The following CARD14 variants were observed in gnomAD, a reference collection of about 807,000 sequenced individuals.
CARD14 encodes caspase recruitment domain-containing protein 14.
A neutral mutation model predicts 111.5 loss-of-function variants in CARD14; 107 were observed. The observed-to-expected ratio is 0.96, with a 90% CI of 0.82 to 1.13. The LOEUF is 1.13. Among genes scored for constraint, CARD14 ranks in the 50% most tolerant of loss-of-function variants. The pLI is 0.00. For missense variants in CARD14, 1,322 were observed against 1,362.3 expected (o/e 0.97, Z 0.47); for synonymous variants, 617 against 579.6 (o/e 1.06, Z -0.93).
intron 12 of CARD14, among the ~76,000 whole-genome samples, chr17:80,192,867 C>T (rs2040572820): frequency 6.6e-6 from 1 of 152,236 alleles, no homozygotes; most frequent in Non-Finnish European, 1.5e-5. Context: ...ATTCTCTTGC[C>T]TCAGCCACCC....
At position 80,195,770 on chromosome 17, in the gene CARD14, C is replaced by T; in HGVS notation, c.1594+118C>T. Reference sequence around the variant, plus strand: ...AAGGGCAGATAGAAGCAGAGCTCAACTTCTGCCCTGGGCCTTGACCTTGGC... The same window carrying T: ...AAGGGCAGATAGAAGCAGAGCTCAATTTCTGCCCTGGGCCTTGACCTTGGC... On this transcript the variant is annotated intron_variant, in intron 14 of 23. Transcript: ENST00000648509. This position sits in a 1 kb window ranked among gnomAD's most constrained non-coding sequence, Gnocchi z 4.7. 2.4e-6 allele frequency: 2 copies of T among 846,964 alleles called. No individual in the cohort carries two copies. Among genetic ancestry groups the T allele is most frequent in the Non-Finnish European group, 3.7e-6 (2 of 545,688 alleles). The allele number at this position is 846,964 out of a possible 1,614,324, so 52.5% of individuals were successfully genotyped here.
At chr17:80,190,024 C>A in intron 9 of CARD14, 152 bp downstream of exon 9, 1 of 1,082,396 alleles carries the variant, frequency 9.2e-7, no homozygotes. Context: ...GTCCCTTTGT[C>A]AGCGCCACCC....
chr17:80,177,069 G>A (rs375985200), intron 2 of CARD14, among the ~76,000 whole-genome samples: 66 of 152,294 alleles, frequency 4.3e-4, no homozygotes, highest in African/African-American at 1.6e-3. Flanking sequence ...GAGCAGGGCC[G>A]CACCCCCATG....
intron 1 of CARD14, chr17:80,170,442 T>C (rs1437922601): frequency 6.6e-6 from 1 of 152,230 alleles, no homozygotes; most frequent in African/African-American, 2.4e-5. Context: ...CTGCTGTTGG[T>C]AGCAGAGGCA....
At chr17:80,175,447 G>C (rs999962711) in intron 2 of CARD14, among the ~76,000 whole-genome samples, 2 of 152,206 alleles carry the variant, frequency 1.3e-5, no homozygotes, top group African/African-American at 4.8e-5. Flanking sequence ...TGTTGGGTTT[G>C]ATCTGGAGAC....
rs753242893 is a variant in CARD14, at chr17:80,205,175, C to T, written c.2539C>T (p.Leu847Phe). ...VGKILSEKLC[L>F]LQGFKKCLAE... is the part of the protein sequence containing the mutation. Reference sequence around the variant, plus strand: ...GAAGATCCTGAGCGAGAAACTGTGCCTCCTCCAAGGGTTTAAGAAGTGCCT... The same window carrying T: ...GAAGATCCTGAGCGAGAAACTGTGCTTCCTCCAAGGGTTTAAGAAGTGCCT... The change falls in exon 21 of 24, where the codon CTC (leucine) becomes TTC (phenylalanine). Residue 847 changes from leucine to phenylalanine, a missense_variant. Physicochemically the swap from Leu to Phe is conservative, Grantham distance 22. Coordinates refer to ENST00000648509, the MANE Select transcript of CARD14 (RefSeq NM_001366385.1). The T allele has an allele frequency of 1.2e-5, 20 of 1,613,576 alleles. No homozygotes were observed. Among genetic ancestry groups the T allele is most frequent in the Non-Finnish European group, 1.7e-5 (20 of 1,179,852 alleles).
Position 80,189,292 on chromosome 17 carries a change from G to A in CARD14, c.844-461G>A, listed in dbSNP as rs1448443371. Among the ~76,000 whole-genome samples, 1 of 152,150 alleles carries A rather than the reference G, an allele frequency of 6.6e-6. No individual in the cohort carries two copies. The highest frequency in any genetic ancestry group is 1.5e-5 in the Non-Finnish European group (1 of 68,026). On this transcript the variant is annotated intron_variant, in intron 8 of 23. Coordinates refer to ENST00000648509, the MANE Select transcript of CARD14 (RefSeq NM_001366385.1). This position sits in a 1 kb window ranked among gnomAD's most constrained non-coding sequence, Gnocchi z 4.7. Reference sequence around the variant, plus strand: ...CAACGACCCTTGGCGTCTCCTCCTCGGCCCCTCTCAGTAGATTGGTATTTA... The same window carrying A: ...CAACGACCCTTGGCGTCTCCTCCTCAGCCCCTCTCAGTAGATTGGTATTTA...
chr17:80,173,780 G>A (rs2039964579), intron 2 of CARD14, among the ~76,000 whole-genome samples: 1 of 151,994 alleles, frequency 6.6e-6, no homozygotes. Flanking sequence ...TTGTATTTTA[G>A]TACAGATGGG....
rs536853489 is a variant in CARD14 at position 80,198,390 on chromosome 17, G to A, written c.1659-9G>A. 3.8e-6 allele frequency: 6 copies of A among 1,592,588 alleles called. No homozygotes were observed. Among genetic ancestry groups the A allele is most frequent in the African/African-American group, 1.3e-5 (1 of 74,772 alleles). On this transcript the variant is annotated splice_polypyrimidine_tract_variant and intron_variant, in intron 15 of 23. Coordinates refer to ENST00000648509, the MANE Select transcript of CARD14 (RefSeq NM_001366385.1). This position sits in a 1 kb window ranked among gnomAD's most constrained non-coding sequence, Gnocchi z 7.5. ...GCAGTGCACAAGCCGGTCGTCTCCC[G>A]GCCTGCAGCGGCGTCCTCATGCGGC... is the stretch of plus-strand genomic sequence containing the variant.
chr17:80,184,891 GGGAGGGCA>G (rs2144196417), intron 7 of CARD14, among the ~76,000 whole-genome samples: 1 of 152,182 alleles, frequency 6.6e-6, no homozygotes, highest in South Asian at 2.1e-4. Context: ...GACTCAGGCG[GGGAGGGCA>G]GGAGGGTTCT....
At position 80,208,573 on chromosome 17, in the gene CARD14, G is replaced by A; in HGVS notation, c.*228G>A. On this transcript the variant is annotated 3_prime_UTR_variant, in exon 24 of 24. Coordinates refer to ENST00000648509, the MANE Select transcript of CARD14 (RefSeq NM_001366385.1). ...GTGGAAACATCTTCACCCTTTACCAGGCTTGGCATGGTCTGAACTGGAAAC... is the reference window on the plus strand; with the variant it reads ...GTGGAAACATCTTCACCCTTTACCAAGCTTGGCATGGTCTGAACTGGAAAC... 1 of 485,546 alleles carries A rather than the reference G, an allele frequency of 2.1e-6. No individual in the cohort carries two copies. Among genetic ancestry groups the A allele is most frequent in the Non-Finnish European group, 3.6e-6 (1 of 275,960 alleles). 30.1% of individuals were successfully genotyped at this position (485,546 alleles called of 1,614,324 possible). A position where few individuals can be genotyped will look rare whatever the true frequency, so the allele number is the denominator to read the frequency against.
intron 7 of CARD14, among the ~76,000 whole-genome samples, chr17:80,187,320 A>G (rs1332576710): frequency 4.6e-5 from 7 of 152,076 alleles, no homozygotes; most frequent in Admixed American, 3.9e-4. Flanking sequence ...CCGCCAGCCA[A>G]TCTTGCTCAA....
chr17:80,205,488 C>T, intron 21 of CARD14, 43 bp from the exon 22 acceptor site: 3 of 1,566,822 alleles, frequency 1.9e-6, no homozygotes, highest in African/African-American at 1.4e-5. Flanking sequence ...CCCAGACCCC[C>T]ACACAGCTGG....
chr17:80,198,785 A>C lies in CARD14; in HGVS notation c.1851+194A>C, dbSNP rs747885361. The C allele has an allele frequency of 2.0e-5, 30 of 1,493,334 alleles. No homozygotes were observed. Among genetic ancestry groups the C allele is most frequent in the Non-Finnish European group, 2.5e-5 (28 of 1,126,484 alleles). 92.5% of individuals were successfully genotyped at this position (1,493,334 alleles called of 1,614,324 possible). A position where few individuals can be genotyped will look rare whatever the true frequency, so the allele number is the denominator to read the frequency against. ...AGAGTCGTGCCGTGCAGAACCCAGCATGTCACCCGTGGTGCTGCTGCCATG... is the reference window on the plus strand; with the variant it reads ...AGAGTCGTGCCGTGCAGAACCCAGCCTGTCACCCGTGGTGCTGCTGCCATG... On this transcript the variant is annotated intron_variant, in intron 16 of 23. Coordinates refer to ENST00000648509, the MANE Select transcript of CARD14 (RefSeq NM_001366385.1). The surrounding 1 kb of genome is among the most constrained non-coding windows in gnomAD (Gnocchi z 7.5).
chr17:80,182,721 T>C lies in CARD14; in HGVS notation c.280T>C (p.Phe94Leu). 3 of 1,613,986 alleles carry C rather than the reference T, an allele frequency of 1.9e-6. No individual in the cohort carries two copies. The South Asian group carries it at 3.3e-5, about 18-fold the overall frequency. ...CATCGCCTTCCTGGAGAGCCTGAAG[T>C]TCCACAACCCTGACGTCTACACCCT... ...GAIAFLESLK[F>L]HNPDVYTLVT... The change falls in exon 6 of 24, where the codon TTC becomes CTC. Residue 94 changes from phenylalanine to leucine, a missense_variant. Physicochemically the swap from Phe to Leu is conservative, Grantham distance 22. Transcript: ENST00000648509. The surrounding 1 kb of genome is among the most constrained non-coding windows in gnomAD (Gnocchi z 4.7).
At chr17:80,173,856 C>A (rs2039966422) in intron 2 of CARD14, among the ~76,000 whole-genome samples, 1 of 152,082 alleles carries the variant, frequency 6.6e-6, no homozygotes, top group Non-Finnish European at 1.5e-5. Context: ...CTCGGCCTCC[C>A]AAAGTGCTGG....
intron 2 of CARD14, among the ~76,000 whole-genome samples, chr17:80,173,819 G>A (rs892474213): frequency 6.6e-6 from 1 of 152,054 alleles, no homozygotes; most frequent in South Asian, 2.1e-4. Context: ...GACTGGTCTC[G>A]AACTCCTGAC....
At chr17:80,184,351 T>A in intron 7 of CARD14, 113 bp downstream of exon 7, 1 of 945,070 alleles carries the variant, frequency 1.1e-6, no homozygotes, top group Non-Finnish European at 1.5e-6. Context: ...GTCTAACACT[T>A]CCCTGCCCCG....
chr17:80,176,801 G>A (rs963077633), intron 2 of CARD14, among the ~76,000 whole-genome samples: 2 of 152,224 alleles, frequency 1.3e-5, no homozygotes, highest in Admixed American at 1.3e-4. Flanking sequence ...GTGGGGCAGA[G>A]GATCATTCTG....
Sources: gnomAD v4.1 joint callset for allele counts (sites outside exome capture counted in the v4.1 genomes callset) on GRCh38, gnomAD v4.1.1 for gene constraint, Gnocchi (gnomAD v3.1) non-coding constraint, MANE v1.5 for transcripts, NCBI Gene and HGNC (gene_info 2026-07-23, HGNC 2026-07-21) for gene names.